C2CD2: variants seen among roughly 807,000 people sequenced by gnomAD.
C2CD2 encodes C2 domain-containing protein 2.
C2CD2 carries 43 observed loss-of-function variants against 74.3 expected under a neutral mutation model. That is an observed-to-expected ratio of 0.58 (90% CI 0.45 to 0.75). The LOEUF (loss-of-function observed/expected upper bound fraction) is 0.75, where lower values mean the gene tolerates loss of function less well. Among genes scored for constraint, C2CD2 ranks in the 30% least tolerant of loss-of-function variants. The pLI, the probability that C2CD2 is intolerant of heterozygous loss-of-function variation, is 0.00. For missense variants in C2CD2, 801 were observed against 916.3 expected (o/e 0.87, Z 1.63); for synonymous variants, 422 against 390.7 (o/e 1.08, Z -0.94).
At chr21:41,922,344 T>C (rs970062797) in intron 2 of C2CD2, among the ~76,000 whole-genome samples, 1 of 152,078 alleles carries the variant, frequency 6.6e-6, no homozygotes, top group East Asian at 1.9e-4. Flanking sequence ...TTTGTCTTTT[T>C]TGTAAAGATG....
chr21:41,925,077 C>A lies in C2CD2; in HGVS notation c.379-2992G>T, dbSNP rs776171814. 4.5e-4 allele frequency among the ~76,000 whole-genome samples: 69 copies of A among 152,154 alleles called. 4 individuals are homozygous for A. Among genetic ancestry groups the A allele is most frequent in the Non-Finnish European group, 1.5e-5 (1 of 68,022 alleles). On this transcript the variant is annotated intron_variant, in intron 2 of 13. Coordinates refer to ENST00000380486, the MANE Select transcript of C2CD2 (RefSeq NM_015500.2). ...AATGTGTGATGTCTTTTCATAGTAA[C>A]CCCCTGGCGTGTCTTCCCCAACCCT...
rs1226933088 is a variant in C2CD2 at position 41,953,966 on chromosome 21, C to T, written c.-318G>A. The T allele has an allele frequency of 6.7e-6, 1 of 149,116 alleles. No individual in the cohort carries two copies. The highest frequency in any genetic ancestry group is 1.5e-5 in the Non-Finnish European group (1 of 67,344). 9.2% of individuals were successfully genotyped at this position (149,116 alleles called of 1,614,324 possible). On this transcript the variant is annotated 5_prime_UTR_variant, in exon 1 of 14. Transcript: ENST00000380486. ...GCTGCGGGCCGCGCTTCCTCCTGCG[C>T]GCGCCGCCCCGGGCGTCCCGCCCGC... is the stretch of plus-strand genomic sequence containing the variant.
rs138386146 is a variant in C2CD2 at position 41,936,982 on chromosome 21, C to T, written c.378+5165G>A. Among the ~76,000 whole-genome samples the T allele has an allele frequency of 6.4e-3, 971 of 151,590 alleles. 7 individuals are homozygous for T. The highest frequency in any genetic ancestry group is 0.022 in the African/African-American group (912 of 41,230). On this transcript the variant is annotated intron_variant, in intron 2 of 13. Coordinates refer to ENST00000380486, the MANE Select transcript of C2CD2 (RefSeq NM_015500.2). ...TACAGGCACACACCACCATGCCTGG[C>T]TAATTTTTGTACTTTTAGTAGAGAT...
rs574713514 is a variant in C2CD2, at chr21:41,905,818, G to A, written c.1338C>T (p.Pro446=). The part of the protein sequence containing the change: ...PLSSDSPVKT[P]IKVKVIEKDI... The stretch of plus-strand genomic sequence containing the variant: ...CCTTCTCGATCACCTTCACCTTGAT[G>A]GGAGTCTTCACCGGAGAATCTGCCA... The change falls in exon 11 of 14, where the codon CCC becomes CCT. Residue 446 remains proline, a synonymous_variant. Coordinates refer to ENST00000380486, the MANE Select transcript of C2CD2 (RefSeq NM_015500.2). 6.3e-7 allele frequency: 1 copy of A among 1,599,678 alleles called. No individual in the cohort carries two copies. The highest frequency in any genetic ancestry group is 8.6e-7 in the Non-Finnish European group (1 of 1,166,968).
intron 12 of C2CD2, among the ~76,000 whole-genome samples, chr21:41,900,531 T>C (rs1261438341): frequency 6.6e-6 from 1 of 152,130 alleles, no homozygotes; most frequent in Non-Finnish European, 1.5e-5. Flanking sequence ...TGAGGGCCCC[T>C]GGAGGGGCTC....
At chr21:41,918,737 G>T in intron 4 of C2CD2, 119 bp downstream of exon 4, 1 of 764,632 alleles carries the variant, frequency 1.3e-6, no homozygotes, top group Non-Finnish European at 2.2e-6. Flanking sequence ...AGGAGGAGTG[G>T]CTGGGACAGG....
intron 9 of C2CD2, among the ~76,000 whole-genome samples, 195 bp from the exon 10 acceptor site, chr21:41,907,361 A>T (rs889305909): frequency 1.3e-5 from 2 of 152,272 alleles, no homozygotes; most frequent in African/African-American, 4.8e-5. Context: ...CTCAACACGT[A>T]ATGATGGCAA....
In C2CD2 at chr21:41,899,058, T is replaced by G. The variant is rs770932111; in HGVS notation, c.1865A>C (p.His622Pro). The G allele has an allele frequency of 6.2e-7, 1 of 1,613,200 alleles. No individual in the cohort carries two copies. The highest frequency in any genetic ancestry group is 1.1e-5 in the South Asian group (1 of 91,072). ...GGGGGCTCGGGAGCAGGTACCTTTA[T>G]GCTTTTTGGCAGTGCCCGGCTCCAA... Reference protein sequence around the residue: ...SVLEPGTAKKHKGGILRKGAK... With the variant: ...SVLEPGTAKKPKGGILRKGAK... Residue 622 changes from histidine to proline, a missense_variant, in exon 13 of 14, where the codon CAT becomes CCT. Coordinates refer to ENST00000380486, the MANE Select transcript of C2CD2 (RefSeq NM_015500.2). The surrounding 1 kb of genome is among the most constrained non-coding windows in gnomAD (Gnocchi z 4.4).
At chr21:41,891,837 C>G (rs974137252) in intron 13 of C2CD2, among the ~76,000 whole-genome samples, 1 of 151,868 alleles carries the variant, frequency 6.6e-6, no homozygotes, top group South Asian at 2.1e-4. Flanking sequence ...GACCCAAGGA[C>G]TCAGAACCCC....
In C2CD2 at chr21:41,922,062, G is replaced by A. The variant is rs2065160196; in HGVS notation, c.402C>T (p.Gly134=). ...EEKVVVCHVV[G]QAIQFLVSET... Reference sequence around the variant, plus strand: ...CGCTGACCAAGAACTGAATAGCCTGGCCCACCACGTGACAGACCACCACCT... The same window carrying A: ...CGCTGACCAAGAACTGAATAGCCTGACCCACCACGTGACAGACCACCACCT... The change falls in exon 3 of 14, where the codon GGC becomes GGT. Residue 134 remains glycine (G), a synonymous_variant. Transcript: ENST00000380486. The A allele has an allele frequency of 6.2e-7, 1 of 1,613,522 alleles. No homozygotes were observed. Among genetic ancestry groups the A allele is most frequent in the African/African-American group, 1.3e-5 (1 of 75,018 alleles).
rs1439965106 is a variant in C2CD2, at chr21:41,953,520, G to T, written c.129C>A (p.Pro43=). The T allele has an allele frequency of 2.0e-6, 3 of 1,481,086 alleles. No homozygotes were observed. The highest frequency in any genetic ancestry group is 2.7e-6 in the Non-Finnish European group (3 of 1,118,908). 91.7% of individuals were successfully genotyped at this position (1,481,086 alleles called of 1,614,324 possible). The change falls in exon 1 of 14, where the codon CCC becomes CCA. Residue 43 remains proline (P), a synonymous_variant. Coordinates refer to ENST00000380486, the MANE Select transcript of C2CD2 (RefSeq NM_015500.2). ...GCTCCACCGCCCGCCGCTGGGGCTG[G>T]GGTCGCGCCCTGGCCAGCGCCCACT... The part of the protein sequence containing the change: ...LAQWALARAR[P]QPQRRAVEPG...
chr21:41,891,960 G>GT (rs1305261866), intron 13 of C2CD2, among the ~76,000 whole-genome samples: 1 of 152,212 alleles, frequency 6.6e-6, no homozygotes, highest in Non-Finnish European at 1.5e-5. Context: ...CAGGGACAAT[G>GT]TTATGGGCTG....
At position 41,914,180 on chromosome 21, in the gene C2CD2, C is replaced by T. The variant is rs370409650; in HGVS notation, c.844+418G>A. On this transcript the variant is annotated intron_variant, in intron 6 of 13. Transcript: ENST00000380486. ...GGTGGAGGTTGTAGTGAGCCGAGATCGTGCCATTGCACTTCAGCCTGGGCA... is the reference window on the plus strand; with the variant it reads ...GGTGGAGGTTGTAGTGAGCCGAGATTGTGCCATTGCACTTCAGCCTGGGCA... 4.0e-5 allele frequency among the ~76,000 whole-genome samples: 6 copies of T among 151,826 alleles called. No homozygotes were observed. The East Asian group carries it at 1.2e-3, about 30-fold the overall frequency.
At chr21:41,940,047 A>G (rs2065342035) in intron 2 of C2CD2, among the ~76,000 whole-genome samples, 1 of 152,222 alleles carries the variant, frequency 6.6e-6, no homozygotes, top group South Asian at 2.1e-4. Context: ...CTCGAAGGAA[A>G]TGCTCACTGG....
At chr21:41,905,922 C>T in intron 10 of C2CD2, 85 bp from the exon 11 acceptor site, 1 of 783,274 alleles carries the variant, frequency 1.3e-6, no homozygotes, top group African/African-American at 1.7e-5. Context: ...ACAGCCCTCA[C>T]TGCAACTCTG....
At position 41,953,633 on chromosome 21, in the gene C2CD2, G is replaced by A; in HGVS notation, c.16C>T (p.Leu6=). The A allele has an allele frequency of 6.7e-7, 1 of 1,485,662 alleles. No homozygotes were observed. Among genetic ancestry groups the A allele is most frequent in the Non-Finnish European group, 8.9e-7 (1 of 1,127,216 alleles). The allele number at this position is 1,485,662 out of a possible 1,614,324, so 92.0% of individuals were successfully genotyped here. The change falls in exon 1 of 14, where the codon CTG becomes TTG. Residue 6 remains leucine (L), a synonymous_variant. Coordinates refer to ENST00000380486, the MANE Select transcript of C2CD2 (RefSeq NM_015500.2). MAMAR[L]GSWLGEAQWL... Reference sequence around the variant, plus strand: ...TGCGCCTCCCCGAGCCACGAGCCCAGCCGGGCCATGGCCATGGCGCATCCC... The same window carrying A: ...TGCGCCTCCCCGAGCCACGAGCCCAACCGGGCCATGGCCATGGCGCATCCC...
intron 2 of C2CD2, among the ~76,000 whole-genome samples, chr21:41,928,582 A>C (rs2065236742): frequency 6.9e-6 from 1 of 145,640 alleles, no homozygotes; most frequent in East Asian, 2.0e-4. Context: ...AACTGAGCCG[A>C]GCTTCCTGTT....
chr21:41,894,619 T>A, intron 13 of C2CD2: 1 of 455,386 alleles, frequency 2.2e-6, no homozygotes, highest in South Asian at 1.6e-5. Flanking sequence ...AGCCCCCTAA[T>A]CCTGCAAGGA....
At chr21:41,896,415 T>C (rs1454146118) in intron 13 of C2CD2, among the ~76,000 whole-genome samples, 1 of 151,962 alleles carries the variant, frequency 6.6e-6, no homozygotes, top group Non-Finnish European at 1.5e-5. Context: ...CTGTTCCAAG[T>C]TTTTTTTCCG....
Sources: gnomAD v4.1 joint callset for allele counts (sites outside exome capture counted in the v4.1 genomes callset) on GRCh38, gnomAD v4.1.1 for gene constraint, Gnocchi (gnomAD v3.1) non-coding constraint, MANE v1.5 for transcripts, NCBI Gene and HGNC (gene_info 2026-07-23, HGNC 2026-07-21) for gene names.